The following TCF20 variants were observed in gnomAD, a reference collection of about 807,000 sequenced individuals.
TCF20 encodes transcription factor 20.
TCF20 carries 3 observed loss-of-function variants against 148.6 expected under a neutral mutation model. The ratio of observed to expected loss-of-function variants is 0.02; its 90% CI spans 0.01 to 0.05. The LOEUF is 0.05. Among genes scored for constraint, TCF20 ranks in the 10% least tolerant of loss-of-function variants. The probability of loss-of-function intolerance (pLI) is 1.00; values close to 1 mark genes in which losing one functional copy is unlikely to be tolerated. For synonymous variants in TCF20, 1,049 were observed against 909.5 expected (o/e 1.15, Z -2.76); for missense variants, 2,350 against 2,429.3 (o/e 0.97, Z 0.69).
chr22:42,240,916 C>T (rs960215694), intron 1 of TCF20, among the ~76,000 whole-genome samples: 3 of 151,974 alleles, frequency 2.0e-5, no homozygotes, highest in Non-Finnish European at 4.4e-5. Flanking sequence ...AGTGCAGTGG[C>T]GCCATCTCAG....
chr22:42,240,170 G>C (rs923401078), intron 1 of TCF20, among the ~76,000 whole-genome samples: 1 of 152,156 alleles, frequency 6.6e-6, no homozygotes, highest in Non-Finnish European at 1.5e-5. Flanking sequence ...CCATTTTCTA[G>C]ACAACGAAAC....
At chr22:42,251,139 A>T (rs1925331201) in intron 1 of TCF20, among the ~76,000 whole-genome samples, 1 of 152,162 alleles carries the variant, frequency 6.6e-6, no homozygotes, top group Non-Finnish European at 1.5e-5. Flanking sequence ...TGGCCTATGA[A>T]GTGTTGTCAT....
chr22:42,188,246 T>C (rs1423339555), intron 2 of TCF20, among the ~76,000 whole-genome samples: 1 of 124,382 alleles, frequency 8.0e-6, no homozygotes, highest in African/African-American at 3.1e-5. Flanking sequence ...GTGAGCGAGA[T>C]CATGCCATTG....
chr22:42,281,447 A>G (rs1926900400), intron 1 of TCF20, among the ~76,000 whole-genome samples: 1 of 152,072 alleles, frequency 6.6e-6, no homozygotes, highest in Non-Finnish European at 1.5e-5. Flanking sequence ...CAAGGGCCCC[A>G]CTTCCACTGT....
chr22:42,271,736 C>T (rs1422255412), upstream of TCF20, among the ~76,000 whole-genome samples: 2 of 152,122 alleles, frequency 1.3e-5, no homozygotes, highest in Non-Finnish European at 2.9e-5. Context: ...CCCATCTGTC[C>T]TAGATGTTAG....
At chr22:42,208,308 G>C (rs1938526990) in intron 2 of TCF20, among the ~76,000 whole-genome samples, 1 of 151,856 alleles carries the variant, frequency 6.6e-6, no homozygotes, top group Admixed American at 6.6e-5. Flanking sequence ...AAAATATCAA[G>C]AAAAAAAATA....
chr22:42,173,347 CATG>C (rs561219827), intron 3 of TCF20, among the ~76,000 whole-genome samples: 1 of 151,880 alleles, frequency 6.6e-6, no homozygotes, highest in African/African-American at 2.4e-5. Flanking sequence ...AACAGCTGAC[CATG>C]ATGTCAGAAA....
In TCF20 at chr22:42,255,492, AACAACAACAACAAC is replaced by A. The variant is rs1569189365; in HGVS notation, c.-37+14833_-37+14846del. On this transcript the variant is annotated intron_variant, in intron 1 of 5. Transcript: ENST00000677622. ...AACAGAGTGAGACTTCATCTCAAAC[AACAACAACAACAAC>A]AACAACAACAACAACAACAACAAAA... Among the ~76,000 whole-genome samples, 78 of 149,514 alleles carry A rather than the reference AACAACAACAACAAC, an allele frequency of 5.2e-4. 1 individual carries two copies. Among genetic ancestry groups the A allele is most frequent in the African/African-American group, 1.3e-3 (51 of 40,438 alleles).
In TCF20 at chr22:42,213,000, G is replaced by A; in HGVS notation, c.2306C>T (p.Ser769Phe). Reference sequence around the variant, plus strand: ...CCCCTGATGCTCTTGAGTACTCCTAGAATATCTCCTGTCAGGGTGGTGGTG... The same window carrying A: ...CCCCTGATGCTCTTGAGTACTCCTAAAATATCTCCTGTCAGGGTGGTGGTG... ...GYHHHPDRRY[S>F]RSTQEHQGMA... Residue 769 changes from serine to phenylalanine, a missense_variant, in exon 2 of 6, where the codon TCT (serine) becomes TTT (phenylalanine). Ser to Phe is a radical substitution (Grantham distance 155, BLOSUM62 -2). Around this residue, in one of 7 missense-constraint regions of TCF20, gnomAD observed 1,641 missense variants for 1,662.6 expected, o/e 0.99. Transcript: ENST00000677622. The A allele has an allele frequency of 6.2e-7, 1 of 1,614,090 alleles. No homozygotes were observed. Among genetic ancestry groups the A allele is most frequent in the Non-Finnish European group, 8.5e-7 (1 of 1,180,008 alleles).
At chr22:42,232,082 T>C (rs5758662) in intron 1 of TCF20, among the ~76,000 whole-genome samples, 27,545 of 152,112 alleles carry the variant, frequency 0.18, 2,740 homozygotes, top group East Asian at 0.35. Context: ...TCATTCACCA[T>C]TCACTCACTG....
intron 2 of TCF20, among the ~76,000 whole-genome samples, chr22:42,201,709 A>G (rs893877870): frequency 6.6e-5 from 10 of 151,820 alleles, no homozygotes; most frequent in African/African-American, 2.4e-4. Context: ...CGAAGGTTTC[A>G]GTGAGCCGAA....
intron 1 of TCF20, among the ~76,000 whole-genome samples, chr22:42,266,362 T>C (rs1284040750): frequency 1.3e-5 from 2 of 152,234 alleles, no homozygotes; most frequent in African/African-American, 2.4e-5. Flanking sequence ...TTTATACAAA[T>C]GCCAGCATTT....
chr22:42,252,974 T>A (rs1925501239), intron 1 of TCF20, among the ~76,000 whole-genome samples: 1 of 152,046 alleles, frequency 6.6e-6, no homozygotes, highest in South Asian at 2.1e-4. Context: ...ATATAGTATA[T>A]ATTTTAATAA....
intron 2 of TCF20, among the ~76,000 whole-genome samples, chr22:42,205,128 A>G (rs1235586856): frequency 6.6e-6 from 1 of 152,178 alleles, no homozygotes; most frequent in Non-Finnish European, 1.5e-5. Flanking sequence ...TTATATCCAT[A>G]CCCATTCAGA....
Position 42,212,335 on chromosome 22 carries a change from C to CCCG in TCF20, c.2968_2970dup (p.Arg990dup). On this transcript the variant is annotated inframe_insertion, in exon 2 of 6. Coordinates refer to ENST00000677622, the MANE Select transcript of TCF20 (RefSeq NM_001378418.1). ...TCCCGACCACCAACTCTGCCAGGGA[C>CCCG]CCGCCGCATTGGCGTGGGTCTGCTG... The CCCG allele has an allele frequency of 6.2e-7, 1 of 1,614,222 alleles. No individual in the cohort carries two copies. The highest frequency in any genetic ancestry group is 2.2e-5 in the East Asian group (1 of 44,874).
intron 1 of TCF20, among the ~76,000 whole-genome samples, chr22:42,325,850 A>G (rs1021015212): frequency 6.6e-6 from 1 of 152,128 alleles, no homozygotes; most frequent in African/African-American, 2.4e-5. Context: ...TCAGCCTCTC[A>G]TGTCAAAAGT....
intron 1 of TCF20, among the ~76,000 whole-genome samples, chr22:42,248,646 C>T (rs1010328969): frequency 6.6e-6 from 1 of 152,088 alleles, no homozygotes; most frequent in African/African-American, 2.4e-5. Flanking sequence ...ATGTTAAAAT[C>T]CCAAAAGACT....
At position 42,297,194 on chromosome 22, in the gene TCF20, G is replaced by A. The variant is rs764668675; in HGVS notation, c.-37+46285C>T. ...CCAGCTGGGCGACCTTGGGCAAGGA[G>A]GCTGCCCATCTGGAAAATGGGCATG... On this transcript the variant is annotated intron_variant, in intron 1 of 1. Transcript: ENST00000515426. This position sits in a 1 kb window ranked among gnomAD's most constrained non-coding sequence, Gnocchi z 4.3. 6.6e-6 allele frequency among the ~76,000 whole-genome samples: 1 copy of A among 152,218 alleles called. No homozygotes were observed. The highest frequency in any genetic ancestry group is 2.1e-4 in the South Asian group (1 of 4,834).
upstream of TCF20, among the ~76,000 whole-genome samples, chr22:42,271,091 T>C (rs1926599954): frequency 6.6e-6 from 1 of 152,036 alleles, no homozygotes; most frequent in Admixed American, 6.5e-5. Context: ...CTCCTCTCGG[T>C]GACCTGTTTA....
Sources: allele counts gnomAD v4.1 joint callset (sites outside exome capture counted in the v4.1 genomes callset), GRCh38; gene constraint gnomAD v4.1.1; regional missense constraint gnomAD v4.1.1; non-coding constraint Gnocchi (gnomAD v3.1); transcripts MANE v1.5; gene names NCBI Gene and HGNC (gene_info 2026-07-23, HGNC 2026-07-21).